The following LMO7 variants were observed in gnomAD, a reference collection of about 807,000 sequenced individuals.
LMO7 encodes LIM domain only protein 7.
Under a neutral mutation model 206.5 loss-of-function variants are expected in LMO7, and 120 were observed. The ratio of observed to expected loss-of-function variants is 0.58; its 90% CI spans 0.50 to 0.68. The LOEUF is 0.68. Among genes scored for constraint, LMO7 ranks in the 30% least tolerant of loss-of-function variants. The probability of loss-of-function intolerance (pLI) is 0.00; values close to 1 mark genes in which losing one functional copy is unlikely to be tolerated. For missense variants in LMO7, 1,959 were observed against 1,957.9 expected, an observed-to-expected ratio of 1.00 and a Z score of -0.01; for synonymous variants, 706 against 681.5, an observed-to-expected ratio of 1.04 and a Z score of -0.56.
intron 1 of LMO7, among the ~76,000 whole-genome samples, chr13:75,693,680 T>G (rs2041674434): frequency 6.6e-6 from 1 of 152,238 alleles, no homozygotes; most frequent in Non-Finnish European, 1.5e-5. Context: ...AGGTCTTTCC[T>G]TTCCTGCCAA....
chr13:75,802,006 T>C (rs899908606), intron 7 of LMO7, among the ~76,000 whole-genome samples: 2 of 152,134 alleles, frequency 1.3e-5, no homozygotes, highest in African/African-American at 4.8e-5. Flanking sequence ...TCTATTATAA[T>C]TTAGTCATCT....
chr13:75,844,952 G>T (rs1263919278), intron 25 of LMO7, among the ~76,000 whole-genome samples: 1 of 152,174 alleles, frequency 6.6e-6, no homozygotes, highest in African/African-American at 2.4e-5. Context: ...TGTGGGGGAA[G>T]TGGGACAGTC....
At chr13:75,776,092 T>G (rs1437442801) in intron 4 of LMO7, among the ~76,000 whole-genome samples, 1 of 76,210 alleles carries the variant, frequency 1.3e-5, no homozygotes, top group East Asian at 9.0e-4. Flanking sequence ...AGAAATGTTG[T>G]GGATATATAT....
chr13:75,646,330 G>C (rs560167489), intron 1 of LMO7, among the ~76,000 whole-genome samples: 5 of 152,292 alleles, frequency 3.3e-5, no homozygotes, highest in Admixed American at 1.3e-4. Context: ...TGGACTCCTT[G>C]CTTCCAAAAT....
At chr13:75,836,622 C>T (rs115138691) in intron 19 of LMO7, among the ~76,000 whole-genome samples, 165 bp downstream of exon 19, 238 of 152,258 alleles carry the variant, frequency 1.6e-3, no homozygotes, top group Middle Eastern at 6.8e-3. Context: ...GGTGGAAGGG[C>T]GTTCAGTTCC....
chr13:75,804,708 G>A, intron 8 of LMO7, 167 bp downstream of exon 8: 1 of 1,065,996 alleles, frequency 9.4e-7, no homozygotes, highest in Non-Finnish European at 1.3e-6. Flanking sequence ...ATATCTTGAA[G>A]CCATTTCTTC....
intron 15 of LMO7, among the ~76,000 whole-genome samples, chr13:75,831,679 C>G (rs960757868): frequency 6.6e-6 from 1 of 152,078 alleles, no homozygotes. Flanking sequence ...ACAAGGCAAC[C>G]TCACTTTATA....
At chr13:75,816,610 C>T (rs1044579280) in intron 11 of LMO7, among the ~76,000 whole-genome samples, 1 of 152,166 alleles carries the variant, frequency 6.6e-6, no homozygotes, top group East Asian at 1.9e-4. Context: ...TTAGAAACTA[C>T]CTGTGGTGCG....
At chr13:75,717,220 G>C (rs904215238) in intron 2 of LMO7, among the ~76,000 whole-genome samples, 2 of 151,800 alleles carry the variant, frequency 1.3e-5, no homozygotes, top group African/African-American at 2.4e-5. Context: ...AAAATTAGCC[G>C]GGTGTGGTGG....
At chr13:75,752,619 T>C (rs922646414) in intron 3 of LMO7, among the ~76,000 whole-genome samples, 1 of 152,158 alleles carries the variant, frequency 6.6e-6, no homozygotes, top group Admixed American at 6.5e-5. Context: ...GTCCCCATTG[T>C]CCATCATTCA....
In LMO7 at chr13:75,626,595, A is replaced by ATATATATTTTTTTTTTTTTTTTTTTT; in HGVS notation, c.225+3276_225+3277insATATATTTTTTTTTTTTTTTTTTTTT. 1.3e-4 allele frequency among the ~76,000 whole-genome samples: 9 copies of ATATATATTTTTTTTTTTTTTTTTTTT among 71,174 alleles called. 1 individual carries two copies. The highest frequency in any genetic ancestry group is 1.8e-4 in the Non-Finnish European group (5 of 27,604). 46.7% of individuals were successfully genotyped at this position (71,174 alleles called of 152,430 possible). A position where few individuals can be genotyped will look rare whatever the true frequency, so the allele number is the denominator to read the frequency against. ...ATATATATTATATATATATATATAA[A>ATATATATTTTTTTTTTTTTTTTTTTT]TTTTTTTGAGACAGGGTCTCACTCT... On this transcript the variant is annotated intron_variant, in intron 2 of 29. Transcript: ENST00000341547.
intron 1 of LMO7, among the ~76,000 whole-genome samples, chr13:75,664,360 T>C (rs2038909174): frequency 6.6e-6 from 1 of 152,236 alleles, no homozygotes; most frequent in African/African-American, 2.4e-5. Flanking sequence ...AATGACAGTG[T>C]CTTGTTCTTT....
intron 1 of LMO7, among the ~76,000 whole-genome samples, chr13:75,649,716 G>T (rs763005820): frequency 6.6e-6 from 1 of 152,152 alleles, no homozygotes; most frequent in Non-Finnish European, 1.5e-5. Flanking sequence ...CCTACTGTCA[G>T]CTTACCTACC....
At chr13:75,809,653 G>T (rs944172656) in intron 11 of LMO7, among the ~76,000 whole-genome samples, 1 of 152,058 alleles carries the variant, frequency 6.6e-6, no homozygotes, top group Non-Finnish European at 1.5e-5. Context: ...CCAACTGGGA[G>T]CTTCGTTAGT....
intron 12 of LMO7, among the ~76,000 whole-genome samples, chr13:75,819,070 C>T (rs1035877092): frequency 6.6e-6 from 1 of 152,156 alleles, no homozygotes; most frequent in Admixed American, 6.5e-5. Context: ...GAGATGAAAA[C>T]GAACTGGAAA....
At chr13:75,702,971 A>G (rs1196894814) in intron 1 of LMO7, among the ~76,000 whole-genome samples, 1 of 152,362 alleles carries the variant, frequency 6.6e-6, no homozygotes, top group East Asian at 1.9e-4. Context: ...TCATCCAACC[A>G]TATAGTCTTT....
intron 3 of LMO7, among the ~76,000 whole-genome samples, chr13:75,731,154 G>A (rs1161960142): frequency 6.6e-6 from 1 of 152,162 alleles, no homozygotes; most frequent in African/African-American, 2.4e-5. Flanking sequence ...TCCGCCTGGT[G>A]CAGAGCCGAG....
At chr13:75,651,953 G>GT (rs891877130) in intron 1 of LMO7, among the ~76,000 whole-genome samples, 3 of 152,148 alleles carry the variant, frequency 2.0e-5, no homozygotes, top group African/African-American at 7.2e-5. Context: ...TCTAAAAAAA[G>GT]TTTTTAGCAG....
chr13:75,690,063 CT>C (rs535921450), intron 1 of LMO7, among the ~76,000 whole-genome samples: 216 of 144,378 alleles, frequency 1.5e-3, no homozygotes, highest in Admixed American at 2.1e-3. Context: ...CTGAGCCCTC[CT>C]TTTTTTTTTT....
Sources: gnomAD v4.1 joint callset for allele counts (sites outside exome capture counted in the v4.1 genomes callset) on GRCh38, gnomAD v4.1.1 for gene constraint, MANE v1.5 for transcripts, NCBI Gene and HGNC (gene_info 2026-07-23, HGNC 2026-07-21) for gene names.